The following ZNF385D variants were observed in gnomAD, a reference collection of about 807,000 sequenced individuals.
The protein encoded by ZNF385D is zinc finger protein 385D.
ZNF385D carries 15 observed loss-of-function variants against 35.8 expected under a neutral mutation model. The observed-to-expected ratio is 0.42, with a 90% CI of 0.28 to 0.64. The LOEUF is 0.64. Ranked by LOEUF, ZNF385D falls within the 30% of genes least tolerant of loss-of-function variation. ZNF385D has a pLI of 0.23. For synonymous variants in ZNF385D, 212 were observed against 186.8 expected, an observed-to-expected ratio of 1.13 and a Z score of -1.10; for missense variants, 474 against 494.6, an observed-to-expected ratio of 0.96 and a Z score of 0.39.
At chr3:21,898,339 T>A (rs1231414863) in intron 3 of ZNF385D, among the ~76,000 whole-genome samples, 1 of 152,146 alleles carries the variant, frequency 6.6e-6, no homozygotes, top group African/African-American at 2.4e-5. Flanking sequence ...CTCATTGTAA[T>A]GGAATTTTCC....
intron 3 of ZNF385D, among the ~76,000 whole-genome samples, chr3:21,519,773 G>A (rs887470816): frequency 2.0e-5 from 3 of 152,156 alleles, no homozygotes; most frequent in African/African-American, 4.8e-5. Flanking sequence ...AAACCACTTC[G>A]TCTAGCTGCT....
intron 3 of ZNF385D, among the ~76,000 whole-genome samples, chr3:21,873,062 T>A (rs1697777416): frequency 6.6e-6 from 1 of 152,186 alleles, no homozygotes; most frequent in Non-Finnish European, 1.5e-5. Flanking sequence ...AATTCTCTCT[T>A]TTAAGGTTTA....
intron 3 of ZNF385D, among the ~76,000 whole-genome samples, chr3:22,073,801 G>A (rs1040219800): frequency 4.0e-5 from 6 of 151,792 alleles, no homozygotes; most frequent in Non-Finnish European, 4.4e-5. Flanking sequence ...ACTATTTTTA[G>A]AATTTTAAAA....
intron 1 of ZNF385D, among the ~76,000 whole-genome samples, chr3:21,696,786 A>C (rs2067486572): frequency 6.6e-6 from 1 of 152,218 alleles, no homozygotes; most frequent in Admixed American, 6.5e-5. Flanking sequence ...CTCCTGAGTC[A>C]ACCTCCCCAT....
intron 3 of ZNF385D, among the ~76,000 whole-genome samples, chr3:21,528,309 CAG>C (rs1167695593): frequency 6.6e-6 from 1 of 152,126 alleles, no homozygotes; most frequent in Non-Finnish European, 1.5e-5. Flanking sequence ...GGTGCAATCT[CAG>C]GGGCATATAA....
chr3:21,792,915 T>C (rs1385221207), intron 3 of ZNF385D, among the ~76,000 whole-genome samples: 1 of 152,184 alleles, frequency 6.6e-6, no homozygotes, highest in Non-Finnish European at 1.5e-5. Context: ...AAATTTTGGG[T>C]TGGTCACTGA....
intron 2 of ZNF385D, among the ~76,000 whole-genome samples, chr3:22,182,987 G>C (rs1695386197): frequency 6.6e-6 from 1 of 152,020 alleles, no homozygotes; most frequent in African/African-American, 2.4e-5. Context: ...AAATGTGAAA[G>C]ATTAAGTATT....
intron 3 of ZNF385D, among the ~76,000 whole-genome samples, chr3:22,011,027 CAAT>C (rs1696537971): frequency 6.6e-6 from 1 of 151,906 alleles, no homozygotes; most frequent in Non-Finnish European, 1.5e-5. Context: ...GTTTTATTGC[CAAT>C]ATAACTCATT....
At chr3:21,879,270 T>C (rs1008260440) in intron 3 of ZNF385D, among the ~76,000 whole-genome samples, 2 of 152,030 alleles carry the variant, frequency 1.3e-5, no homozygotes, top group African/African-American at 4.8e-5. Flanking sequence ...TTTTCATAAA[T>C]GATTTCTGCC....
chr3:21,889,386 C>A (rs528951137), intron 3 of ZNF385D, among the ~76,000 whole-genome samples: 46 of 152,154 alleles, frequency 3.0e-4, no homozygotes, highest in Non-Finnish European at 6.0e-4. Context: ...CTGTAACCAA[C>A]CAGATGGTGG....
chr3:21,548,848 C>T (rs942372229), intron 3 of ZNF385D, among the ~76,000 whole-genome samples: 1 of 152,178 alleles, frequency 6.6e-6, no homozygotes, highest in Non-Finnish European at 1.5e-5. Context: ...TATTTCTTGT[C>T]CACCTAGCTG....
chr3:21,796,297 C>G (rs1297361229), intron 3 of ZNF385D, among the ~76,000 whole-genome samples: 1 of 152,086 alleles, frequency 6.6e-6, no homozygotes, highest in Admixed American at 6.6e-5. Context: ...CTATTAAGAC[C>G]AGCATTATCC....
intron 3 of ZNF385D, among the ~76,000 whole-genome samples, chr3:21,822,149 G>A (rs1186206284): frequency 6.6e-6 from 1 of 151,988 alleles, no homozygotes; most frequent in African/African-American, 2.4e-5. Context: ...TTGGCTCACT[G>A]TAAGCTCTGC....
At chr3:22,056,829 A>G (rs550855178) in intron 3 of ZNF385D, among the ~76,000 whole-genome samples, 2 of 152,196 alleles carry the variant, frequency 1.3e-5, no homozygotes, top group Non-Finnish European at 2.9e-5. Context: ...TGCAGGTTCA[A>G]TTCAAATTAG....
At chr3:21,548,027 C>T (rs2062438483) in intron 3 of ZNF385D, among the ~76,000 whole-genome samples, 1 of 152,074 alleles carries the variant, frequency 6.6e-6, no homozygotes, top group African/African-American at 2.4e-5. Flanking sequence ...TGGGGAGGAG[C>T]CTGGCCCCTC....
chr3:21,858,937 G>A (rs749646581), intron 3 of ZNF385D, among the ~76,000 whole-genome samples: 4 of 151,950 alleles, frequency 2.6e-5, no homozygotes, highest in Non-Finnish European at 5.9e-5. Flanking sequence ...CATGGTTCCT[G>A]TTTCCCCTCA....
At chr3:22,059,692 T>C (rs1170511586) in intron 3 of ZNF385D, among the ~76,000 whole-genome samples, 3 of 152,126 alleles carry the variant, frequency 2.0e-5, no homozygotes, top group African/African-American at 4.8e-5. Context: ...CCATATAAGT[T>C]TCAAAGAGCA....
intron 1 of ZNF385D, among the ~76,000 whole-genome samples, chr3:21,696,664 A>G (rs1206033974): frequency 6.6e-6 from 1 of 152,246 alleles, no homozygotes; most frequent in East Asian, 1.9e-4. Flanking sequence ...TAGCTCTTTA[A>G]AAAATTGATC....
intron 3 of ZNF385D, among the ~76,000 whole-genome samples, chr3:21,561,352 C>T (rs1575183842): frequency 6.6e-6 from 1 of 152,162 alleles, no homozygotes; most frequent in Admixed American, 6.5e-5. Context: ...CTGGAGCGCA[C>T]AATTCCTCAT....
Sources: gnomAD v4.1 joint callset for allele counts (sites outside exome capture counted in the v4.1 genomes callset) on GRCh38, gnomAD v4.1.1 for gene constraint, MANE v1.5 for transcripts, NCBI Gene and HGNC (gene_info 2026-07-23, HGNC 2026-07-21) for gene names.